Variants in MAP7 observed in about 807,000 individuals in gnomAD.
The protein encoded by MAP7 is microtubule associated protein 7, also known as ensconsin.
In MAP7, 52 loss-of-function variants were observed where a neutral mutation model predicts 94.8. The observed-to-expected ratio is 0.55, with a 90% confidence interval of 0.44 to 0.69. MAP7 has a LOEUF of 0.69. MAP7 is among the 30% of genes least tolerant of loss of function. The pLI is 0.00. For missense variants in MAP7, 940 were observed against 964.6 expected (o/e 0.97, Z 0.34); for synonymous variants, 350 against 357.0 (o/e 0.98, Z 0.22).
chr6:136,389,500 A>G lies in MAP7; in HGVS notation c.262T>C (p.Trp88Arg), dbSNP rs201088954. ...EKQLAAREIV[W>R]LEREERARQH... ...CTGGCTCGCTCTTCTCTTTCTAACC[A>G]CACTATTTCTCTTGCAGCTTTGGGG... The change falls in exon 4 of 18, where the codon TGG (tryptophan) becomes CGG (arginine). Residue 88 changes from tryptophan to arginine, a missense_variant. Coordinates refer to ENST00000354570, the MANE Select transcript of MAP7 (RefSeq NM_003980.6). 6.2e-7 allele frequency: 1 copy of G among 1,605,890 alleles called. No individual in the cohort carries two copies. Among genetic ancestry groups the G allele is most frequent in the Non-Finnish European group, 8.5e-7 (1 of 1,178,184 alleles).
At chr6:136,384,698 C>T (rs1778726046) in intron 5 of MAP7, among the ~76,000 whole-genome samples, 1 of 152,046 alleles carries the variant, frequency 6.6e-6, no homozygotes, top group African/African-American at 2.4e-5. Flanking sequence ...GTTGCCCAGG[C>T]TGGTCTCAAA....
intron 1 of MAP7, among the ~76,000 whole-genome samples, chr6:136,435,180 G>A (rs944042261): frequency 3.3e-5 from 5 of 152,192 alleles, no homozygotes; most frequent in South Asian, 2.1e-4. Context: ...AGGAGGTTGA[G>A]AGATATTGAA....
At chr6:136,408,164 G>T (rs978551974) in intron 3 of MAP7, among the ~76,000 whole-genome samples, 1 of 152,130 alleles carries the variant, frequency 6.6e-6, no homozygotes, top group African/African-American at 2.4e-5. Flanking sequence ...AGTCAAGAGA[G>T]AGAGTTTGAG....
intron 1 of MAP7, among the ~76,000 whole-genome samples, chr6:136,432,509 G>C (rs1397135224): frequency 6.6e-6 from 1 of 152,016 alleles, no homozygotes; most frequent in Non-Finnish European, 1.5e-5. Flanking sequence ...GAATTCAAAC[G>C]CCTTAGCAGC....
intron 2 of MAP7, among the ~76,000 whole-genome samples, chr6:136,417,044 GGGAGA>G (rs1789713696): frequency 6.6e-6 from 1 of 152,122 alleles, no homozygotes; most frequent in Non-Finnish European, 1.5e-5. Flanking sequence ...GCTTGAGGCT[GGGAGA>G]TCTAGGCTAC....
intron 1 of MAP7, among the ~76,000 whole-genome samples, chr6:136,491,244 G>A (rs1418567831): frequency 6.6e-6 from 1 of 152,096 alleles, no homozygotes; most frequent in Non-Finnish European, 1.5e-5. Flanking sequence ...GTGTTAAGCT[G>A]AACAACATGA....
chr6:136,375,036 A>G (rs910541804), intron 7 of MAP7, among the ~76,000 whole-genome samples: 2 of 152,144 alleles, frequency 1.3e-5, no homozygotes, highest in Non-Finnish European at 2.9e-5. Context: ...TATGTATTTG[A>G]TCCTACTCTT....
chr6:136,353,078 T>C (rs922673872), intron 16 of MAP7, among the ~76,000 whole-genome samples: 3 of 152,216 alleles, frequency 2.0e-5, no homozygotes, highest in Non-Finnish European at 2.9e-5. Context: ...TACAGGTCAG[T>C]GTCATTCAGA....
intron 2 of MAP7, among the ~76,000 whole-genome samples, chr6:136,416,884 G>A (rs1480035084): frequency 6.6e-6 from 1 of 152,190 alleles, no homozygotes; most frequent in Admixed American, 6.5e-5. Context: ...GGCCAAGGCA[G>A]GAGGATTGCT....
rs1430835378 is a variant in MAP7 at position 136,359,842 on chromosome 6, C to T, written c.1890G>A (p.Lys630=). 2.5e-6 allele frequency: 4 copies of T among 1,613,242 alleles called. No homozygotes were observed. Among genetic ancestry groups the T allele is most frequent in the Non-Finnish European group, 3.4e-6 (4 of 1,179,942 alleles). The part of the protein sequence containing the change: ...TSDQRNGDIA[K]GALTGGTEVS... ...TACCTGTTCCTCCAGTGAGAGCTCC[C>T]TTGGCTATATCACCGTTTCTCTGAT... The change falls in exon 15 of 18, where the codon AAG becomes AAA. Residue 630 remains lysine (K), a synonymous_variant. Coordinates refer to ENST00000354570, the MANE Select transcript of MAP7 (RefSeq NM_003980.6).
intron 1 of MAP7, among the ~76,000 whole-genome samples, chr6:136,504,115 G>C (rs2129014586): frequency 6.6e-6 from 1 of 152,192 alleles, no homozygotes; most frequent in Admixed American, 6.5e-5. Context: ...AAACTGATAT[G>C]TTAATATGAC....
At chr6:136,391,661 A>G (rs934697848) in intron 3 of MAP7, among the ~76,000 whole-genome samples, 3 of 110,004 alleles carry the variant, frequency 2.7e-5, no homozygotes, top group Admixed American at 1.0e-4. Context: ...ATAAAAAATA[A>G]AAACTATTAT....
intron 1 of MAP7, among the ~76,000 whole-genome samples, chr6:136,529,325 G>A (rs1487203141): frequency 6.6e-6 from 1 of 151,890 alleles, no homozygotes; most frequent in Non-Finnish European, 1.5e-5. Context: ...TCACTATGTT[G>A]GCCAGGCTGG....
intron 13 of MAP7, 118 bp downstream of exon 13, chr6:136,360,579 G>A (rs116223855): frequency 1.3e-6 from 1 of 785,364 alleles, no homozygotes; most frequent in East Asian, 2.4e-5. Context: ...TTATCACTGA[G>A]GGGGCTACTA....
intron 1 of MAP7, among the ~76,000 whole-genome samples, chr6:136,432,490 GT>G (rs1439541789): frequency 2.6e-5 from 4 of 152,148 alleles, no homozygotes; most frequent in African/African-American, 9.7e-5. Flanking sequence ...ATAGAAATCA[GT>G]TCCATAGGAA....
chr6:136,349,452 C>T (rs1025921080), intron 16 of MAP7, among the ~76,000 whole-genome samples: 3 of 152,104 alleles, frequency 2.0e-5, no homozygotes, highest in Non-Finnish European at 4.4e-5. Context: ...CGGCTTACTG[C>T]AGCTTCAATT....
At chr6:136,450,472 C>G (rs1800764496) in intron 1 of MAP7, among the ~76,000 whole-genome samples, 1 of 151,564 alleles carries the variant, frequency 6.6e-6, no homozygotes, top group Non-Finnish European at 1.5e-5. Flanking sequence ...CTAGTACTTC[C>G]AAATAAAATA....
At chr6:136,377,954 C>G in intron 6 of MAP7, 86 bp from the exon 7 acceptor site, 1 of 945,790 alleles carries the variant, frequency 1.1e-6, no homozygotes, top group Admixed American at 1.9e-5. Context: ...TGCTTCCATA[C>G]GCTGGGCCTT....
chr6:136,425,697 G>A lies in MAP7; in HGVS notation c.68-3898C>T, dbSNP rs902281265. 7.9e-5 allele frequency among the ~76,000 whole-genome samples: 12 copies of A among 152,120 alleles called. 1 individual carries two copies. Among genetic ancestry groups the A allele is most frequent in the Middle Eastern group, 6.8e-3 (2 of 292 alleles). ...TATAAAATTTGCATTAGAACAAGAA[G>A]GACATAAAGCAACAGCAACACTCCT... On this transcript the variant is annotated intron_variant, in intron 1 of 17. Transcript: ENST00000354570.
Sources: gnomAD v4.1 joint callset for allele counts (sites outside exome capture counted in the v4.1 genomes callset) on GRCh38, gnomAD v4.1.1 for gene constraint, MANE v1.5 for transcripts, NCBI Gene and HGNC (gene_info 2026-07-23, HGNC 2026-07-21) for gene names.